Variants in ABCA13 observed in about 807,000 individuals in gnomAD.
ABCA13 encodes the protein ATP binding cassette subfamily A member 13, also known as ATP-binding cassette sub-family A member 13.
Under a neutral mutation model 478.7 loss-of-function variants are expected in ABCA13, and 476 were observed. The observed-to-expected ratio is 0.99, with a 90% CI of 0.92 to 1.07. The LOEUF is 1.07. Ranked by LOEUF, ABCA13 falls within the 50% of genes least tolerant of loss-of-function variation. The pLI is 0.00. For synonymous variants in ABCA13, 2,252 were observed against 2,158.9 expected (o/e 1.04, Z -1.20); for missense variants, 6,060 against 5,910.6 (o/e 1.03, Z -0.83).
intron 2 of ABCA13, among the ~76,000 whole-genome samples, chr7:48,194,870 A>G (rs1797725191): frequency 3.0e-5 from 2 of 67,170 alleles, no homozygotes; most frequent in Admixed American, 1.5e-4. Context: ...ATTATTATCA[A>G]TAAATATGTA....
chr7:48,591,141 T>G (rs1036659325), intron 57 of ABCA13, among the ~76,000 whole-genome samples: 11 of 151,960 alleles, frequency 7.2e-5, no homozygotes, highest in Admixed American at 5.9e-4. Flanking sequence ...ACATGTTCAG[T>G]TGATTTTTGT....
intron 55 of ABCA13, among the ~76,000 whole-genome samples, chr7:48,542,565 A>G (rs932960412): frequency 5.3e-5 from 8 of 151,814 alleles, no homozygotes; most frequent in Admixed American, 3.3e-4. Context: ...AAGGCTATAT[A>G]ATATGAAAAA....
chr7:48,261,098 A>G (rs1794117488), intron 15 of ABCA13, among the ~76,000 whole-genome samples: 1 of 151,964 alleles, frequency 6.6e-6, no homozygotes, highest in African/African-American at 2.4e-5. Context: ...TCAATCCAGC[A>G]TGCCAATATA....
intron 51 of ABCA13, among the ~76,000 whole-genome samples, 200 bp downstream of exon 51, chr7:48,511,399 C>G (rs1037427633): frequency 6.6e-6 from 1 of 152,098 alleles, no homozygotes; most frequent in Admixed American, 6.6e-5. Context: ...CTGACCTGGT[C>G]GTGATGAAGA....
intron 55 of ABCA13, among the ~76,000 whole-genome samples, chr7:48,571,567 C>G (rs999201635): frequency 2.0e-5 from 3 of 151,814 alleles, no homozygotes; most frequent in Non-Finnish European, 4.4e-5. Flanking sequence ...GTTAAGAAAG[C>G]AGCTATTAAC....
At chr7:48,560,741 T>C (rs1786371089) in intron 55 of ABCA13, among the ~76,000 whole-genome samples, 1 of 152,248 alleles carries the variant, frequency 6.6e-6, no homozygotes, top group African/African-American at 2.4e-5. Flanking sequence ...TATTGAAATG[T>C]ACAGTACTCA....
rs376926217 is a variant in ABCA13, at chr7:48,393,798, A to G, written c.11873+1659A>G. On this transcript the variant is annotated intron_variant, in intron 38 of 61. Coordinates refer to ENST00000435803, the MANE Select transcript of ABCA13 (RefSeq NM_152701.5). ...ACCAAGTAAAACGTTTGCAATGAGAATGCTCCATTCCACCCTTCCTTTTAC... is the reference window on the plus strand; with the variant it reads ...ACCAAGTAAAACGTTTGCAATGAGAGTGCTCCATTCCACCCTTCCTTTTAC... 8.5e-4 allele frequency among the ~76,000 whole-genome samples: 130 copies of G among 152,240 alleles called. 2 individuals carry two copies. The South Asian group carries it at 0.021, about 25-fold the overall frequency.
At position 48,216,712 on chromosome 7, in the gene ABCA13, T is replaced by G. The variant is rs183377882; in HGVS notation, c.288-2642T>G. ...TATGTTTTCTTCTGAGTTATACAGT[T>G]TAGCTTTTACATTTTAGTCTATTAT... is the stretch of plus-strand genomic sequence containing the variant. On this transcript the variant is annotated intron_variant, in intron 3 of 61. Transcript: ENST00000435803. 8.3e-4 allele frequency among the ~76,000 whole-genome samples: 126 copies of G among 151,954 alleles called. 1 individual carries two copies. Among genetic ancestry groups the G allele is most frequent in the South Asian group, 7.7e-3 (37 of 4,830 alleles).
Position 48,227,319 on chromosome 7 carries a change from C to A in ABCA13, c.526C>A (p.Pro176Thr). The A allele has an allele frequency of 6.2e-7, 1 of 1,613,574 alleles. No homozygotes were observed. The highest frequency in any genetic ancestry group is 8.5e-7 in the Non-Finnish European group (1 of 1,179,834). ...GAAACTGGAAAGCCTCCATCAGCAG[C>A]CTCATATCTGGGATTTTCTACTTTT... ...ILKLESLHQQ[P>T]HIWDFLLLLP... Residue 176 changes from proline to threonine, a missense_variant, in exon 6 of 62, where the codon CCT becomes ACT. Coordinates refer to ENST00000435803, the MANE Select transcript of ABCA13 (RefSeq NM_152701.5).
chr7:48,209,704 T>C lies in ABCA13; in HGVS notation c.288-9650T>C, dbSNP rs546688121. Among the ~76,000 whole-genome samples, 4 of 152,310 alleles carry C rather than the reference T, an allele frequency of 2.6e-5. No homozygotes were observed. In the South Asian group the frequency reaches 8.3e-4, roughly 32 times the overall value. ...CATGGATTGCAATAATCAATATTAA[T>C]AAAATGTCTATGCTTCCAAAAGCAA... On this transcript the variant is annotated intron_variant, in intron 3 of 61. Coordinates refer to ENST00000435803, the MANE Select transcript of ABCA13 (RefSeq NM_152701.5).
At chr7:48,183,283 G>C (rs1795944703) in intron 1 of ABCA13, among the ~76,000 whole-genome samples, 1 of 152,138 alleles carries the variant, frequency 6.6e-6, no homozygotes, top group Non-Finnish European at 1.5e-5. Flanking sequence ...GAGTCACTTG[G>C]AGGATTTAAA....
At chr7:48,188,553 A>G (rs918933725) in intron 1 of ABCA13, among the ~76,000 whole-genome samples, 8 of 151,998 alleles carry the variant, frequency 5.3e-5, no homozygotes, top group African/African-American at 1.9e-4. Flanking sequence ...CTGCTCTAGA[A>G]ACTTTTTTTT....
chr7:48,427,158 C>A (rs1190193073), intron 41 of ABCA13, among the ~76,000 whole-genome samples: 1 of 152,190 alleles, frequency 6.6e-6, no homozygotes, highest in East Asian at 1.9e-4. Flanking sequence ...TGTCTGCTTG[C>A]ACTTCTGCTT....
chr7:48,500,550 T>A (rs1406299686), intron 48 of ABCA13, among the ~76,000 whole-genome samples: 1 of 152,150 alleles, frequency 6.6e-6, no homozygotes, highest in Non-Finnish European at 1.5e-5. Context: ...GCTTGATTTT[T>A]AATGTATGTT....
At chr7:48,322,396 T>C (rs564332322) in intron 27 of ABCA13, among the ~76,000 whole-genome samples, 2 of 152,224 alleles carry the variant, frequency 1.3e-5, no homozygotes, top group African/African-American at 2.4e-5. Flanking sequence ...CCATACTTCC[T>C]TGGGATCCAG....
chr7:48,516,752 G>A lies in ABCA13; in HGVS notation c.13668G>A (p.Leu4556=), dbSNP rs1179683378. The A allele has an allele frequency of 6.2e-7, 1 of 1,613,704 alleles. No homozygotes were observed. The highest frequency in any genetic ancestry group is 8.5e-7 in the Non-Finnish European group (1 of 1,179,706). Reference sequence around the variant, plus strand: ...ATGCAACTCTTCCATGGATGTACCTGATGTCCAGAATCTTTTCCAGTTCGG... The same window carrying A: ...ATGCAACTCTTCCATGGATGTACCTAATGTCCAGAATCTTTTCCAGTTCGG... ...FGYATLPWMY[L]MSRIFSSSDV... is the part of the protein sequence containing the mutation. The change falls in exon 52 of 62, where the codon CTG becomes CTA. Residue 4556 remains leucine, a synonymous_variant. Transcript: ENST00000435803.
chr7:48,312,352 A>T (rs76026360), intron 24 of ABCA13, among the ~76,000 whole-genome samples: 6,441 of 152,296 alleles, frequency 0.042, 215 homozygotes, highest in Admixed American at 0.1. Context: ...TTTATTGAGC[A>T]ACTAATATTT....
At chr7:48,345,354 G>A (rs987138368) in intron 29 of ABCA13, among the ~76,000 whole-genome samples, 1 of 152,170 alleles carries the variant, frequency 6.6e-6, no homozygotes, top group Non-Finnish European at 1.5e-5. Flanking sequence ...GAGGTATCCA[G>A]AAAAATCCAT....
chr7:48,456,475 GC>G (rs1825688444), intron 43 of ABCA13, among the ~76,000 whole-genome samples: 2 of 152,090 alleles, frequency 1.3e-5, no homozygotes, highest in Non-Finnish European at 2.9e-5. Context: ...GCACAGGCTA[GC>G]CAAAAAATAA....
Sources: gnomAD v4.1 joint callset for allele counts (sites outside exome capture counted in the v4.1 genomes callset) on GRCh38, gnomAD v4.1.1 for gene constraint, MANE v1.5 for transcripts, NCBI Gene and HGNC (gene_info 2026-07-23, HGNC 2026-07-21) for gene names.